The following KCNB2 variants were observed in gnomAD, a reference collection of about 807,000 sequenced individuals.
KCNB2 encodes the protein delayed rectifier potassium channel protein.
In KCNB2, 15 loss-of-function variants were observed where a neutral mutation model predicts 61.5. The observed-to-expected ratio is 0.24, with a 90% confidence interval of 0.16 to 0.38. KCNB2 has a LOEUF of 0.38. Ranked by LOEUF, KCNB2 falls within the 10% of genes least tolerant of loss-of-function variation. KCNB2 has a pLI of 1.00. For missense variants in KCNB2, 828 were observed against 1,125.2 expected, an observed-to-expected ratio of 0.74 and a Z score of 3.78; for synonymous variants, 457 against 446.0, an observed-to-expected ratio of 1.02 and a Z score of -0.31.
At chr8:72,834,600 C>T (rs529203322) in intron 2 of KCNB2, among the ~76,000 whole-genome samples, 1 of 152,264 alleles carries the variant, frequency 6.6e-6, no homozygotes, top group African/African-American at 2.4e-5. Context: ...AGGCCTAGAG[C>T]AGGCTTCCAA....
intron 2 of KCNB2, among the ~76,000 whole-genome samples, chr8:72,716,311 A>G (rs1368476240): frequency 6.6e-6 from 1 of 152,194 alleles, no homozygotes; most frequent in East Asian, 1.9e-4. Flanking sequence ...AACTCATTTT[A>G]TGAGGCCAGC....
intron 2 of KCNB2, among the ~76,000 whole-genome samples, chr8:72,723,946 G>T (rs1807591380): frequency 6.6e-6 from 1 of 152,156 alleles, no homozygotes; most frequent in South Asian, 2.1e-4. Context: ...ATCACTTCCT[G>T]TATCGATTTT....
At chr8:72,888,430 A>G (rs888057646) in intron 2 of KCNB2, among the ~76,000 whole-genome samples, 1 of 152,054 alleles carries the variant, frequency 6.6e-6, no homozygotes, top group Non-Finnish European at 1.5e-5. Flanking sequence ...TAATTTTCTA[A>G]TCTCCCTATA....
intron 1 of KCNB2, among the ~76,000 whole-genome samples, chr8:72,546,764 T>G (rs1370225901): frequency 6.6e-6 from 1 of 152,120 alleles, no homozygotes; most frequent in Non-Finnish European, 1.5e-5. Context: ...TCCAAGTACT[T>G]GGGACTACAG....
intron 2 of KCNB2, among the ~76,000 whole-genome samples, chr8:72,595,052 G>A (rs545478834): frequency 6.6e-6 from 1 of 152,208 alleles, no homozygotes; most frequent in Non-Finnish European, 1.5e-5. Context: ...TGAGGGTCTT[G>A]CTATTTTACA....
At chr8:72,548,936 C>T (rs1806303986) in intron 1 of KCNB2, among the ~76,000 whole-genome samples, 1 of 152,184 alleles carries the variant, frequency 6.6e-6, no homozygotes, top group Admixed American at 6.5e-5. Context: ...GGCTGAGTCA[C>T]TTTGTCGAAC....
At chr8:72,797,042 C>T (rs1183738181) in intron 2 of KCNB2, among the ~76,000 whole-genome samples, 2 of 151,842 alleles carry the variant, frequency 1.3e-5, no homozygotes, top group East Asian at 3.9e-4. Flanking sequence ...TTTATTTGAG[C>T]ATCATGACCT....
chr8:72,910,493 T>C (rs1156318523), intron 2 of KCNB2, among the ~76,000 whole-genome samples: 1 of 151,634 alleles, frequency 6.6e-6, no homozygotes, highest in Non-Finnish European at 1.5e-5. Context: ...ACAATAGAGA[T>C]TGAAAAGTAA....
intron 2 of KCNB2, among the ~76,000 whole-genome samples, chr8:72,714,626 C>G (rs967982448): frequency 1.3e-5 from 2 of 152,042 alleles, no homozygotes; most frequent in African/African-American, 2.4e-5. Context: ...ATTTTGTCAC[C>G]ACCAGGCCTG....
In KCNB2 at chr8:72,600,226, A is replaced by T. The variant is rs1289971935; in HGVS notation, c.579+31913A>T. Among the ~76,000 whole-genome samples the T allele has an allele frequency of 7.2e-5, 11 of 152,300 alleles. No homozygotes were observed. The East Asian group carries it at 2.1e-3, about 29-fold the overall frequency. The stretch of plus-strand genomic sequence containing the variant: ...CAACAATGATAGACTGGATTAAGAA[A>T]ATGTGGCACATATACACCATGGAAT... On this transcript the variant is annotated intron_variant, in intron 2 of 2. Transcript: ENST00000523207.
intron 2 of KCNB2, among the ~76,000 whole-genome samples, chr8:72,902,589 A>G (rs1048981240): frequency 1.3e-5 from 2 of 152,188 alleles, no homozygotes; most frequent in Non-Finnish European, 2.9e-5. Flanking sequence ...TCAATGGAGA[A>G]AATGTCTATT....
At chr8:72,834,425 A>G (rs1010474970) in intron 2 of KCNB2, among the ~76,000 whole-genome samples, 5 of 152,194 alleles carry the variant, frequency 3.3e-5, no homozygotes, top group African/African-American at 1.2e-4. Flanking sequence ...TCAGTTCTGG[A>G]GCGATGTGAG....
intron 2 of KCNB2, among the ~76,000 whole-genome samples, chr8:72,848,271 C>T (rs1018507383): frequency 2.6e-5 from 4 of 152,170 alleles, no homozygotes; most frequent in Non-Finnish European, 4.4e-5. Flanking sequence ...AGCTTTGGCT[C>T]CAACCACCCC....
intron 2 of KCNB2, among the ~76,000 whole-genome samples, chr8:72,748,607 T>C (rs1808122296): frequency 8.6e-6 from 1 of 116,850 alleles, no homozygotes; most frequent in Non-Finnish European, 1.8e-5. Context: ...GGTTTTTTTT[T>C]TGTTGTTTTT....
rs56115324 is a variant in KCNB2 at position 72,870,363 on chromosome 8, T to A, written c.580-65572T>A. Among the ~76,000 whole-genome samples the A allele has an allele frequency of 1.8e-3, 279 of 152,234 alleles. 3 individuals are homozygous for A. The highest frequency in any genetic ancestry group is 6.5e-3 in the African/African-American group (270 of 41,548). Reference sequence around the variant, plus strand: ...TTCTTACTGCAGTAAAAATACATTTTAAAAAAACATATTAAAATTGTATAA... The same window carrying A: ...TTCTTACTGCAGTAAAAATACATTTAAAAAAAACATATTAAAATTGTATAA... On this transcript the variant is annotated intron_variant, in intron 2 of 2. Coordinates refer to ENST00000523207, the MANE Select transcript of KCNB2 (RefSeq NM_004770.3).
chr8:72,599,056 C>G, intron 2 of KCNB2, among the ~76,000 whole-genome samples: 1 of 152,140 alleles, frequency 6.6e-6, no homozygotes, highest in East Asian at 1.9e-4. Flanking sequence ...CCGTCCCCAT[C>G]AAACTACCAA....
At chr8:72,905,917 T>C (rs1038299039) in intron 2 of KCNB2, among the ~76,000 whole-genome samples, 6 of 152,154 alleles carry the variant, frequency 3.9e-5, no homozygotes, top group Non-Finnish European at 1.5e-5. Context: ...TGAAGGAGTT[T>C]AGAATCCCTC....
intron 2 of KCNB2, among the ~76,000 whole-genome samples, chr8:72,621,230 C>T (rs978892810): frequency 1.3e-5 from 2 of 152,110 alleles, no homozygotes; most frequent in African/African-American, 4.8e-5. Flanking sequence ...GACTCAATCC[C>T]AACGTGTCAG....
At chr8:72,909,096 G>A (rs1206712777) in intron 2 of KCNB2, among the ~76,000 whole-genome samples, 2 of 152,102 alleles carry the variant, frequency 1.3e-5, no homozygotes, top group African/African-American at 2.4e-5. Flanking sequence ...TGTGGATATG[G>A]CCACTGTCCT....
Sources: allele counts gnomAD v4.1 joint callset (sites outside exome capture counted in the v4.1 genomes callset), GRCh38; gene constraint gnomAD v4.1.1; transcripts MANE v1.5; gene names NCBI Gene and HGNC (gene_info 2026-07-23, HGNC 2026-07-21).